The following LDLRAD3 variants were observed in gnomAD, a reference collection of about 807,000 sequenced individuals.
LDLRAD3 encodes the protein low-density lipoprotein receptor class A domain-containing protein 3.
In LDLRAD3, 20 loss-of-function variants were observed where a neutral mutation model predicts 29.4. The observed-to-expected ratio is 0.68, with a 90% confidence interval of 0.48 to 0.99. The LOEUF is 0.99. Among genes scored for constraint, LDLRAD3 ranks in the 50% least tolerant of loss-of-function variants. LDLRAD3 has a pLI of 0.00. For synonymous variants in LDLRAD3, 157 were observed against 192.7 expected, an observed-to-expected ratio of 0.81 and a Z score of 1.53; for missense variants, 420 against 454.3, an observed-to-expected ratio of 0.92 and a Z score of 0.69.
chr11:36,045,556 C>A (rs74801253), intron 2 of LDLRAD3, among the ~76,000 whole-genome samples: 3,634 of 152,184 alleles, frequency 0.024, 106 homozygotes, highest in East Asian at 0.13. Flanking sequence ...CACTGATTAG[C>A]TGTCTGATAT....
chr11:35,965,069 A>G (rs1851322491), intron 1 of LDLRAD3, among the ~76,000 whole-genome samples: 1 of 152,156 alleles, frequency 6.6e-6, no homozygotes, highest in African/African-American at 2.4e-5. Context: ...TAGTATAATA[A>G]ACACAATTCC....
intron 2 of LDLRAD3, among the ~76,000 whole-genome samples, chr11:36,065,958 G>A (rs1040043159): frequency 2.0e-5 from 3 of 152,192 alleles, no homozygotes; most frequent in Non-Finnish European, 4.4e-5. Context: ...AAGCGAGGAT[G>A]TTTGAAGAAG....
chr11:35,954,488 C>T (rs1851176950), intron 1 of LDLRAD3, among the ~76,000 whole-genome samples: 1 of 152,148 alleles, frequency 6.6e-6, no homozygotes, highest in Non-Finnish European at 1.5e-5. Flanking sequence ...TAGTATCAGG[C>T]ACACAGTAGG....
intron 3 of LDLRAD3, among the ~76,000 whole-genome samples, chr11:36,085,519 G>A (rs375618551): frequency 3.9e-5 from 6 of 152,048 alleles, no homozygotes; most frequent in African/African-American, 1.2e-4. Flanking sequence ...AGTATTATAC[G>A]TTTTCTCCTT....
chr11:35,959,448 A>G (rs932503041), intron 1 of LDLRAD3, among the ~76,000 whole-genome samples: 5 of 152,232 alleles, frequency 3.3e-5, no homozygotes, highest in Non-Finnish European at 7.3e-5. Context: ...ATGTTTATTA[A>G]GCCTAGATGA....
At chr11:36,161,269 T>C (rs557476736) in intron 4 of LDLRAD3, among the ~76,000 whole-genome samples, 2 of 152,312 alleles carry the variant, frequency 1.3e-5, no homozygotes, top group South Asian at 4.1e-4. Context: ...ATATTACCCC[T>C]TTGATTCCTC....
rs192130653 is a variant in LDLRAD3 at position 36,059,157 on chromosome 11, G to C, written c.194-22496G>C. 1.2e-4 allele frequency among the ~76,000 whole-genome samples: 18 copies of C among 152,224 alleles called. No homozygotes were observed. In the East Asian group the frequency reaches 2.1e-3, roughly 18 times the overall value. ...AAGGTAAGAGGACCACTTGAGCCGA[G>C]GAATTCAAGACCAGCCTGGGAAACA... On this transcript the variant is annotated intron_variant, in intron 2 of 5. Coordinates refer to ENST00000315571, the MANE Select transcript of LDLRAD3 (RefSeq NM_174902.4).
At chr11:35,988,492 G>C (rs1420720677) in intron 1 of LDLRAD3, among the ~76,000 whole-genome samples, 1 of 152,156 alleles carries the variant, frequency 6.6e-6, no homozygotes, top group Non-Finnish European at 1.5e-5. Flanking sequence ...CATAGTTTGT[G>C]AATATTTTCT....
chr11:36,087,428 C>T (rs961825823), intron 3 of LDLRAD3, among the ~76,000 whole-genome samples: 1 of 152,118 alleles, frequency 6.6e-6, no homozygotes, highest in Admixed American at 6.6e-5. Context: ...AAGCCAATTC[C>T]ATCAGGGATT....
At chr11:36,161,357 A>G (rs1457582273) in intron 4 of LDLRAD3, among the ~76,000 whole-genome samples, 1 of 152,212 alleles carries the variant, frequency 6.6e-6, no homozygotes, top group Non-Finnish European at 1.5e-5. Flanking sequence ...ATTTTGTTCC[A>G]AGTAGAAATC....
chr11:36,206,635 G>A (rs1191758803), intron 4 of LDLRAD3, among the ~76,000 whole-genome samples: 1 of 152,066 alleles, frequency 6.6e-6, no homozygotes, highest in Non-Finnish European at 1.5e-5. Flanking sequence ...GCTCTTATAC[G>A]AGGTCAAGAG....
Position 36,006,419 on chromosome 11 carries a change from C to T in LDLRAD3, c.47-29684C>T, listed in dbSNP as rs998235525. Among the ~76,000 whole-genome samples, 10 of 152,274 alleles carry T rather than the reference C, an allele frequency of 6.6e-5. No homozygotes were observed. The South Asian group carries it at 1.9e-3, about 28-fold the overall frequency. On this transcript the variant is annotated intron_variant, in intron 1 of 5. Coordinates refer to ENST00000315571, the MANE Select transcript of LDLRAD3 (RefSeq NM_174902.4). The stretch of plus-strand genomic sequence containing the variant: ...GAGTTGTTCTGAGAATTAAATGGAA[C>T]AGGTTTAGTGAAAGCGCTGAGCTGT...
intron 4 of LDLRAD3, among the ~76,000 whole-genome samples, chr11:36,156,675 C>T (rs1176543164): frequency 6.6e-6 from 1 of 152,222 alleles, no homozygotes; most frequent in Non-Finnish European, 1.5e-5. Flanking sequence ...ACAATAACTT[C>T]TTCATCATCC....
intron 4 of LDLRAD3, among the ~76,000 whole-genome samples, chr11:36,118,512 T>TGTGTGA (rs568320230): frequency 1.3e-5 from 2 of 148,500 alleles, no homozygotes; most frequent in Admixed American, 6.7e-5. Flanking sequence ...TGTGTGTGTG[T>TGTGTGA]GAGAGAGAGA....
chr11:36,015,074 AG>A (rs1167705523), intron 1 of LDLRAD3, among the ~76,000 whole-genome samples: 1 of 152,184 alleles, frequency 6.6e-6, no homozygotes, highest in Admixed American at 6.5e-5. Flanking sequence ...TTGGAACTGA[AG>A]CGACAGCAGC....
intron 2 of LDLRAD3, among the ~76,000 whole-genome samples, chr11:36,079,616 A>G (rs1254547033): frequency 6.6e-6 from 1 of 152,190 alleles, no homozygotes. Context: ...CAGATTTGTT[A>G]GCGAAAGTAC....
At chr11:35,981,152 A>G (rs1258242359) in intron 1 of LDLRAD3, among the ~76,000 whole-genome samples, 2 of 134,320 alleles carry the variant, frequency 1.5e-5, no homozygotes, top group African/African-American at 5.5e-5. Flanking sequence ...TATTTCCTAA[A>G]TGCTCACGTC....
chr11:35,944,601 C>T lies in LDLRAD3; in HGVS notation c.46+457C>T, dbSNP rs1014768449. 1.3e-5 allele frequency among the ~76,000 whole-genome samples: 2 copies of T among 152,140 alleles called. No individual in the cohort carries two copies. The highest frequency in any genetic ancestry group is 2.1e-4 in the South Asian group (1 of 4,830). ...TCTGGGCCTCTTCCCGAGTCTCTGG[C>T]GTGCACTCCGTGCCTCAGTTTCCCC... On this transcript the variant is annotated intron_variant, in intron 1 of 5. Coordinates refer to ENST00000315571, the MANE Select transcript of LDLRAD3 (RefSeq NM_174902.4). This position sits in a 1 kb window ranked among gnomAD's most constrained non-coding sequence, Gnocchi z 4.9.
At chr11:35,952,962 C>T (rs1456545018) in intron 1 of LDLRAD3, among the ~76,000 whole-genome samples, 1 of 152,128 alleles carries the variant, frequency 6.6e-6, no homozygotes, top group East Asian at 1.9e-4. Context: ...CTTGTTGCTT[C>T]AAACTAAGGG....
Sources: allele counts gnomAD v4.1 joint callset (sites outside exome capture counted in the v4.1 genomes callset), GRCh38; gene constraint gnomAD v4.1.1; non-coding constraint Gnocchi (gnomAD v3.1); transcripts MANE v1.5; gene names NCBI Gene and HGNC (gene_info 2026-07-23, HGNC 2026-07-21).